The following OTUD7A variants were observed in gnomAD, a reference collection of about 807,000 sequenced individuals.
OTUD7A encodes OTU domain-containing protein 7A.
OTUD7A carries 12 observed loss-of-function variants against 65.7 expected under a neutral mutation model. The observed-to-expected ratio is 0.18, with a 90% CI of 0.12 to 0.30. The LOEUF (loss-of-function observed/expected upper bound fraction) is 0.30. Among genes scored for constraint, OTUD7A ranks in the 10% least tolerant of loss-of-function variants. The probability of loss-of-function intolerance (pLI) is 1.00; values close to 1 mark genes in which losing one functional copy is unlikely to be tolerated. For synonymous variants in OTUD7A, 641 were observed against 586.3 expected, an observed-to-expected ratio of 1.09 and a Z score of -1.35; for missense variants, 1,148 against 1,304.8, an observed-to-expected ratio of 0.88 and a Z score of 1.85.
Position 31,526,332 on chromosome 15 carries a change from G to T in OTUD7A, c.893+17C>A. On this transcript the variant is annotated intron_variant, in intron 8 of 12. Transcript: ENST00000307050. Reference sequence around the variant, plus strand: ...GAGCTGGAGGTGACTTCTGGGGAGAGCAGGGGCAGCACTTACCCCCCGCCC... The same window carrying T: ...GAGCTGGAGGTGACTTCTGGGGAGATCAGGGGCAGCACTTACCCCCCGCCC... 1 of 1,570,518 alleles carries T rather than the reference G, an allele frequency of 6.4e-7. No homozygotes were observed.
chr15:31,569,477 CAGG>C (rs1034188019), intron 4 of OTUD7A, among the ~76,000 whole-genome samples: 3 of 152,218 alleles, frequency 2.0e-5, no homozygotes, highest in African/African-American at 7.2e-5. Context: ...GCAAGAGGAG[CAGG>C]AGGAGACCAC....
At chr15:31,602,226 T>C (rs1890099407) in intron 3 of OTUD7A, among the ~76,000 whole-genome samples, 1 of 152,164 alleles carries the variant, frequency 6.6e-6, no homozygotes, top group Non-Finnish European at 1.5e-5. Flanking sequence ...GCAAACCGAA[T>C]CCAGCAGCAC....
chr15:31,867,128 G>T (rs748149509), intron 1 of OTUD7A, among the ~76,000 whole-genome samples: 1 of 152,126 alleles, frequency 6.6e-6, no homozygotes, highest in Non-Finnish European at 1.5e-5. Context: ...AGCACAAGCT[G>T]GCCTCTCTGA....
intron 3 of OTUD7A, among the ~76,000 whole-genome samples, chr15:31,623,317 C>T (rs1890853466): frequency 6.6e-6 from 1 of 152,216 alleles, no homozygotes; most frequent in South Asian, 2.1e-4. Flanking sequence ...TTTAAGTCTG[C>T]AGAGGTTTGT....
intron 1 of OTUD7A, among the ~76,000 whole-genome samples, chr15:31,759,652 G>C (rs1297448540): frequency 6.6e-6 from 1 of 152,144 alleles, no homozygotes; most frequent in Admixed American, 6.5e-5. Flanking sequence ...TCCTACCTCA[G>C]CCTCCCGAGT....
intron 1 of OTUD7A, among the ~76,000 whole-genome samples, chr15:31,740,168 G>C (rs1355749017): frequency 1.3e-5 from 2 of 152,198 alleles, no homozygotes; most frequent in Non-Finnish European, 2.9e-5. Context: ...AGGATGTGGA[G>C]GAGGTGAGCT....
At chr15:31,697,025 G>A (rs1020440045) in intron 1 of OTUD7A, among the ~76,000 whole-genome samples, 1 of 150,604 alleles carries the variant, frequency 6.6e-6, no homozygotes, top group Admixed American at 6.6e-5. Context: ...AGAGAAAGAG[G>A]GTGCTGGCTG....
intron 3 of OTUD7A, among the ~76,000 whole-genome samples, chr15:31,630,355 T>C (rs1266285157): frequency 1.1e-4 from 16 of 152,198 alleles, no homozygotes; most frequent in African/African-American, 3.9e-4. Context: ...ATGTACCCAG[T>C]AGTCATTCAG....
Position 31,614,972 on chromosome 15 carries a change from C to T in OTUD7A, c.151+40124G>A, listed in dbSNP as rs562138616. Among the ~76,000 whole-genome samples the T allele has an allele frequency of 6.6e-5, 10 of 152,220 alleles. No individual in the cohort carries two copies. In the South Asian group the frequency reaches 8.3e-4, roughly 13 times the overall value. On this transcript the variant is annotated intron_variant, in intron 3 of 12. Coordinates refer to ENST00000307050, the MANE Select transcript of OTUD7A (RefSeq NM_001382637.1). ...TAGTCAAGGATGTATATCGTAACCT[C>T]TATCGTAACTACCAAAAGAATAGTA...
chr15:31,734,053 C>G (rs1894120342), intron 1 of OTUD7A, among the ~76,000 whole-genome samples: 1 of 151,974 alleles, frequency 6.6e-6, no homozygotes, highest in Non-Finnish European at 1.5e-5. Context: ...GAATTGGATA[C>G]AATTATTTTG....
chr15:31,653,248 G>A (rs577527353), intron 3 of OTUD7A, among the ~76,000 whole-genome samples: 2 of 150,106 alleles, frequency 1.3e-5, no homozygotes, highest in Admixed American at 1.3e-4. Context: ...GTGAGACTCT[G>A]TGTCACCAAA....
At chr15:31,722,416 A>G (rs1482135085) in intron 1 of OTUD7A, among the ~76,000 whole-genome samples, 1 of 152,216 alleles carries the variant, frequency 6.6e-6, no homozygotes, top group Non-Finnish European at 1.5e-5. Flanking sequence ...AGCTTCTCAC[A>G]GAACAGACAT....
chr15:31,779,774 G>A (rs1342633668), intron 1 of OTUD7A, among the ~76,000 whole-genome samples: 2 of 152,086 alleles, frequency 1.3e-5, no homozygotes, highest in African/African-American at 4.8e-5. Context: ...GGATGAGAGA[G>A]AAATGGAGGA....
chr15:31,604,247 T>C (rs1336049727), intron 3 of OTUD7A, among the ~76,000 whole-genome samples: 1 of 152,246 alleles, frequency 6.6e-6, no homozygotes, highest in Non-Finnish European at 1.5e-5. Flanking sequence ...ATATACATCA[T>C]GGAATACTAT....
intron 5 of OTUD7A, among the ~76,000 whole-genome samples, chr15:31,551,360 T>C (rs1447312187): frequency 6.6e-6 from 1 of 152,192 alleles, no homozygotes; most frequent in Non-Finnish European, 1.5e-5. Flanking sequence ...AGAGTGGTCA[T>C]TCCCAACTCC....
chr15:31,766,285 T>C (rs146573908), intron 1 of OTUD7A: 1 of 1,603,492 alleles, frequency 6.2e-7, no homozygotes, highest in African/African-American at 1.3e-5. Flanking sequence ...AGTTTGGGCA[T>C]ATCAACATTT....
intron 3 of OTUD7A, among the ~76,000 whole-genome samples, chr15:31,650,900 C>T: frequency 7.4e-6 from 1 of 135,874 alleles, no homozygotes; most frequent in African/African-American, 3.1e-5. Flanking sequence ...TGAAGAAGAA[C>T]TAAGTGGAAA....
At chr15:31,530,892 G>A in intron 5 of OTUD7A, 84 bp from the exon 6 acceptor site, 1 of 1,056,386 alleles carries the variant, frequency 9.5e-7, no homozygotes, top group Non-Finnish European at 1.4e-6. Context: ...ATAAACATCA[G>A]GGACAGATTT....
At chr15:31,784,684 C>A (rs1233131491) in intron 1 of OTUD7A, among the ~76,000 whole-genome samples, 2 of 152,062 alleles carry the variant, frequency 1.3e-5, no homozygotes, top group Non-Finnish European at 2.9e-5. Flanking sequence ...TTTTGAGAAC[C>A]AGCATCCTAA....
Sources: allele counts gnomAD v4.1 joint callset (sites outside exome capture counted in the v4.1 genomes callset), GRCh38; gene constraint gnomAD v4.1.1; transcripts MANE v1.5; gene names NCBI Gene and HGNC (gene_info 2026-07-23, HGNC 2026-07-21).